Variants in GPC5 observed in about 807,000 individuals in gnomAD.
GPC5 encodes glypican 5, also known as glypican-5.
Under a neutral mutation model 53.9 loss-of-function variants are expected in GPC5, and 47 were observed. That is an observed-to-expected ratio of 0.87 (90% CI 0.69 to 1.11). GPC5 has a LOEUF of 1.11. Ranked by LOEUF, GPC5 falls within the 50% of genes most tolerant of loss-of-function variation. The probability of loss-of-function intolerance (pLI) is 0.00; values close to 1 mark genes in which losing one functional copy is unlikely to be tolerated. For missense variants in GPC5, 748 were observed against 713.1 expected (o/e 1.05, Z -0.56); for synonymous variants, 286 against 263.3 (o/e 1.09, Z -0.84).
chr13:91,875,891 T>G (rs1228288128), intron 5 of GPC5, among the ~76,000 whole-genome samples: 1 of 152,206 alleles, frequency 6.6e-6, no homozygotes, highest in Non-Finnish European at 1.5e-5. Flanking sequence ...GTGGTTTGGC[T>G]TTGTCTCCAC....
At chr13:92,367,408 T>C (rs774673335) in intron 7 of GPC5, among the ~76,000 whole-genome samples, 1 of 152,202 alleles carries the variant, frequency 6.6e-6, no homozygotes, top group South Asian at 2.1e-4. Flanking sequence ...AACACCTCTG[T>C]GAAGAATTTT....
At chr13:92,474,920 C>G (rs1011482362) in intron 7 of GPC5, among the ~76,000 whole-genome samples, 3 of 152,004 alleles carry the variant, frequency 2.0e-5, no homozygotes, top group Non-Finnish European at 2.9e-5. Context: ...ACGGTGATTA[C>G]AGAACAGTTA....
intron 7 of GPC5, among the ~76,000 whole-genome samples, chr13:92,203,659 A>G (rs1391280577): frequency 9.3e-6 from 1 of 107,302 alleles, no homozygotes; most frequent in South Asian, 3.8e-4. Context: ...TATATATAAA[A>G]AAATAAATAA....
chr13:92,756,970 G>A (rs149927838), intron 7 of GPC5, among the ~76,000 whole-genome samples: 1 of 151,128 alleles, frequency 6.6e-6, no homozygotes, highest in Non-Finnish European at 1.5e-5. Flanking sequence ...TCACAGAATT[G>A]GAAAAAACTA....
rs539120409 is a variant in GPC5, at chr13:92,790,997, A to T, written c.1562-75285A>T. ...TTAATAAAGTAGGAAGTGGAAGACA[A>T]TTCTTATAATTTAAGATACAAGAGT... On this transcript the variant is annotated intron_variant, in intron 7 of 7. Transcript: ENST00000377067. 9.2e-5 allele frequency among the ~76,000 whole-genome samples: 14 copies of T among 152,258 alleles called. 1 individual carries two copies. The East Asian group carries it at 2.7e-3, about 29-fold the overall frequency.
At chr13:92,484,323 C>T (rs1247702817) in intron 7 of GPC5, among the ~76,000 whole-genome samples, 1 of 152,104 alleles carries the variant, frequency 6.6e-6, no homozygotes, top group Non-Finnish European at 1.5e-5. Context: ...AGCTGTTTTA[C>T]AGTTAATTTT....
chr13:92,718,890 C>T (rs1488820201), intron 7 of GPC5, among the ~76,000 whole-genome samples: 1 of 131,794 alleles, frequency 7.6e-6, no homozygotes, highest in Non-Finnish European at 1.6e-5. Flanking sequence ...GACTCCGTCC[C>T]CCCACAAAAA....
At chr13:92,298,405 T>A (rs1227898248) in intron 7 of GPC5, among the ~76,000 whole-genome samples, 1 of 152,184 alleles carries the variant, frequency 6.6e-6, no homozygotes, top group African/African-American at 2.4e-5. Context: ...CCTGTGGACT[T>A]TTCCCAGTGC....
At chr13:91,874,574 T>C (rs77717648) in intron 5 of GPC5, among the ~76,000 whole-genome samples, 1 of 152,156 alleles carries the variant, frequency 6.6e-6, no homozygotes, top group East Asian at 1.9e-4. Flanking sequence ...TTTCTTACGA[T>C]GGTAAATTTA....
chr13:92,410,964 G>A (rs1438450748), intron 7 of GPC5, among the ~76,000 whole-genome samples: 1 of 152,230 alleles, frequency 6.6e-6, no homozygotes, highest in African/African-American at 2.4e-5. Flanking sequence ...GCCAGGCGCA[G>A]TGGCCCATGC....
chr13:91,590,878 A>G (rs1159991069), intron 2 of GPC5, among the ~76,000 whole-genome samples: 6 of 152,218 alleles, frequency 3.9e-5, no homozygotes, highest in Admixed American at 3.9e-4. Context: ...ACCTCTCCTT[A>G]AAGTGAGACA....
At chr13:91,488,444 G>A (rs1883739512) in intron 2 of GPC5, among the ~76,000 whole-genome samples, 1 of 152,170 alleles carries the variant, frequency 6.6e-6, no homozygotes, top group Non-Finnish European at 1.5e-5. Context: ...CGAACGGAGG[G>A]ACCGCCTGAA....
intron 7 of GPC5, among the ~76,000 whole-genome samples, chr13:92,406,792 A>T (rs1009822350): frequency 6.6e-6 from 1 of 152,220 alleles, no homozygotes; most frequent in Non-Finnish European, 1.5e-5. Flanking sequence ...ATAAGTAGTC[A>T]GGTGAATATA....
intron 7 of GPC5, among the ~76,000 whole-genome samples, chr13:92,279,579 A>T (rs1412387919): frequency 6.6e-6 from 1 of 152,026 alleles, no homozygotes; most frequent in Non-Finnish European, 1.5e-5. Context: ...CAAAGCTTTC[A>T]GTCCTTCACC....
At chr13:91,550,449 A>G (rs1053406075) in intron 2 of GPC5, among the ~76,000 whole-genome samples, 1 of 152,116 alleles carries the variant, frequency 6.6e-6, no homozygotes, top group Non-Finnish European at 1.5e-5. Context: ...CAGGAAATAT[A>G]TGTGTGGGGG....
chr13:92,051,854 T>G (rs2041032232), intron 6 of GPC5, among the ~76,000 whole-genome samples: 1 of 152,162 alleles, frequency 6.6e-6, no homozygotes, highest in African/African-American at 2.4e-5. Context: ...GGGTCAGATG[T>G]GGAAAGAGAA....
At chr13:91,583,103 C>A (rs916468349) in intron 2 of GPC5, among the ~76,000 whole-genome samples, 1 of 152,122 alleles carries the variant, frequency 6.6e-6, no homozygotes, top group Non-Finnish European at 1.5e-5. Flanking sequence ...AATCCTACTG[C>A]AAACATTATA....
chr13:91,523,408 G>T (rs1302670711), intron 2 of GPC5, among the ~76,000 whole-genome samples: 4 of 152,142 alleles, frequency 2.6e-5, no homozygotes, highest in Non-Finnish European at 5.9e-5. Flanking sequence ...CTTAAGGAAG[G>T]AAATTCTGTC....
At chr13:92,735,792 C>T (rs929189405) in intron 7 of GPC5, among the ~76,000 whole-genome samples, 1 of 151,924 alleles carries the variant, frequency 6.6e-6, no homozygotes, top group Admixed American at 6.6e-5. Flanking sequence ...TCATCATGGA[C>T]TTATAAAGAT....
Sources: allele counts gnomAD v4.1 joint callset (sites outside exome capture counted in the v4.1 genomes callset), GRCh38; gene constraint gnomAD v4.1.1; transcripts MANE v1.5; gene names NCBI Gene and HGNC (gene_info 2026-07-23, HGNC 2026-07-21).